The following ATL1 variants were observed in gnomAD, a reference collection of about 807,000 sequenced individuals.
The protein encoded by ATL1 is atlastin GTPase 1.
ATL1 carries 31 observed loss-of-function variants against 75.5 expected under a neutral mutation model. The observed-to-expected ratio is 0.41, with a 90% confidence interval of 0.31 to 0.55. The LOEUF is 0.55. ATL1 is among the 20% of genes least tolerant of loss of function. The probability of loss-of-function intolerance (pLI) is 0.27; values close to 1 mark genes in which losing one functional copy is unlikely to be tolerated. For missense variants in ATL1, 405 were observed against 662.6 expected (o/e 0.61, Z 4.27); for synonymous variants, 226 against 233.3 (o/e 0.97, Z 0.28).
chr14:50,619,972 G>T (rs1009970573), intron 8 of ATL1, among the ~76,000 whole-genome samples: 5 of 152,164 alleles, frequency 3.3e-5, no homozygotes, highest in African/African-American at 1.2e-4. Context: ...AACATGAACT[G>T]GTTATGGCTG....
rs745792644 is a variant in ATL1, at chr14:50,561,584, A to G, written c.34+1285A>G. On this transcript the variant is annotated intron_variant, in intron 1 of 13. Transcript: ENST00000358385. ...GTTTACTTTAATCAAAAGACCGTGT[A>G]TCTCCTTGCCTCTGATTGTTCTAAT... 2.6e-5 allele frequency among the ~76,000 whole-genome samples: 4 copies of G among 152,184 alleles called. No individual in the cohort carries two copies. In the South Asian group the frequency reaches 6.2e-4, roughly 24 times the overall value.
intron 6 of ATL1, among the ~76,000 whole-genome samples, chr14:50,606,777 A>G (rs2140220464): frequency 1.3e-5 from 2 of 152,162 alleles, no homozygotes; most frequent in South Asian, 4.1e-4. Context: ...AGACAAAACA[A>G]AAACACGTGA....
chr14:50,598,086 T>A (rs1339633010), intron 6 of ATL1, among the ~76,000 whole-genome samples: 2 of 152,108 alleles, frequency 1.3e-5, no homozygotes, highest in Non-Finnish European at 2.9e-5. Flanking sequence ...AACAAAAATC[T>A]TTAGTAATTA....
At chr14:50,594,275 G>C (rs1403702494) in intron 5 of ATL1, among the ~76,000 whole-genome samples, 1 of 152,158 alleles carries the variant, frequency 6.6e-6, no homozygotes, top group African/African-American at 2.4e-5. Context: ...CGAGAACAGA[G>C]AACAGCGTGG....
intron 1 of ATL1, among the ~76,000 whole-genome samples, chr14:50,562,086 C>T (rs1157870867): frequency 6.6e-6 from 1 of 151,980 alleles, no homozygotes; most frequent in African/African-American, 2.4e-5. Flanking sequence ...GCTCTGTCGC[C>T]TAGGCTGGAG....
At chr14:50,590,181 T>C (rs1178598154) in intron 2 of ATL1, among the ~76,000 whole-genome samples, 1 of 152,222 alleles carries the variant, frequency 6.6e-6, no homozygotes, top group Non-Finnish European at 1.5e-5. Context: ...TTTTTGACCT[T>C]TATTATAGCA....
At chr14:50,593,780 A>G (rs1318624872) in intron 4 of ATL1, 66 bp from the exon 5 acceptor site, 1 of 1,017,178 alleles carries the variant, frequency 9.8e-7, no homozygotes, top group South Asian at 1.3e-5. Flanking sequence ...AAAGTAGGGA[A>G]TGATGAAGTA....
At chr14:50,627,839 A>G (rs1342002725) in intron 11 of ATL1, among the ~76,000 whole-genome samples, 192 bp from the exon 12 acceptor site, 1 of 152,222 alleles carries the variant, frequency 6.6e-6, no homozygotes, top group Non-Finnish European at 1.5e-5. Flanking sequence ...TAAGCCACCT[A>G]TAAAATACCA....
intron 4 of ATL1, among the ~76,000 whole-genome samples, chr14:50,593,461 A>C (rs1258956674): frequency 1.3e-5 from 2 of 152,192 alleles, no homozygotes; most frequent in East Asian, 3.8e-4. Flanking sequence ...TAAAATGATT[A>C]ATTGTGAAGA....
At chr14:50,577,134 C>T (rs2039013359) in intron 1 of ATL1, among the ~76,000 whole-genome samples, 1 of 152,176 alleles carries the variant, frequency 6.6e-6, no homozygotes. Context: ...GCAATCTCAG[C>T]TCTCTGCAAC....
chr14:50,554,956 TG>T (rs1191868836), intron 1 of ATL1, among the ~76,000 whole-genome samples: 1 of 152,210 alleles, frequency 6.6e-6, no homozygotes, highest in African/African-American at 2.4e-5. Flanking sequence ...CAAAGTCTTC[TG>T]GTTATTTTCC....
At chr14:50,571,923 A>T in intron 1 of ATL1, 2 of 293,222 alleles carry the variant, frequency 6.8e-6, no homozygotes, top group South Asian at 8.0e-5. Flanking sequence ...TATACATTCC[A>T]AGTCTTCTAA....
At position 50,587,660 on chromosome 14, in the gene ATL1, C is replaced by T. The variant is rs2039114974; in HGVS notation, c.35-171C>T. Among the ~76,000 whole-genome samples the T allele has an allele frequency of 2.0e-5, 3 of 152,178 alleles. No homozygotes were observed. In the South Asian group the frequency reaches 6.2e-4, roughly 31 times the overall value. ...CTGGGCTCAAGCGATCCTCCCACCT[C>T]AGCCTCCCAAGGTGCTAGGATTACA... On this transcript the variant is annotated intron_variant, in intron 1 of 13. Coordinates refer to ENST00000358385, the MANE Select transcript of ATL1 (RefSeq NM_015915.5).
At chr14:50,545,809 C>A (rs1174783043) in intron 1 of ATL1, among the ~76,000 whole-genome samples, 1 of 152,100 alleles carries the variant, frequency 6.6e-6, no homozygotes, top group East Asian at 1.9e-4. Context: ...CAAAGGCATG[C>A]CAGGTTTTCT....
intron 2 of ATL1, among the ~76,000 whole-genome samples, chr14:50,590,004 A>C (rs2140203928): frequency 6.6e-6 from 1 of 152,340 alleles, no homozygotes; most frequent in East Asian, 1.9e-4. Flanking sequence ...TTACTGACTT[A>C]CTAAATCTAT....
chr14:50,626,956 G>A (rs1266401122), intron 11 of ATL1, among the ~76,000 whole-genome samples: 3 of 152,168 alleles, frequency 2.0e-5, no homozygotes, highest in East Asian at 3.8e-4. Flanking sequence ...AGTTGATAAA[G>A]CATTGGCAGG....
chr14:50,575,857 T>A (rs183835471), intron 1 of ATL1, among the ~76,000 whole-genome samples: 1 of 152,284 alleles, frequency 6.6e-6, no homozygotes, highest in East Asian at 1.9e-4. Context: ...TTTTTGAAGA[T>A]TCCCCTTCTA....
intron 1 of ATL1, among the ~76,000 whole-genome samples, chr14:50,539,845 A>G (rs564730184): frequency 9.8e-5 from 15 of 152,350 alleles, no homozygotes; most frequent in African/African-American, 3.4e-4. Flanking sequence ...ATAGCTTACA[A>G]TCTATGTGCT....
intron 11 of ATL1, among the ~76,000 whole-genome samples, chr14:50,625,388 A>G (rs1457328740): frequency 1.3e-5 from 2 of 152,238 alleles, no homozygotes; most frequent in Non-Finnish European, 2.9e-5. Flanking sequence ...AAGCTACAGC[A>G]AGTTATCCAG....
Sources: allele counts gnomAD v4.1 joint callset (sites outside exome capture counted in the v4.1 genomes callset), GRCh38; gene constraint gnomAD v4.1.1; transcripts MANE v1.5; gene names NCBI Gene and HGNC (gene_info 2026-07-23, HGNC 2026-07-21).